The following STON2 variants were observed in gnomAD, a reference collection of about 807,000 sequenced individuals.
STON2 encodes the protein stonin 2, also known as stonin-2.
Under a neutral mutation model 65.7 loss-of-function variants are expected in STON2, and 29 were observed. That is an observed-to-expected ratio of 0.44 (90% CI 0.33 to 0.60). The LOEUF is 0.60. Among genes scored for constraint, STON2 ranks in the 20% least tolerant of loss-of-function variants. The probability of loss-of-function intolerance (pLI) is 0.03; values close to 1 mark genes in which losing one functional copy is unlikely to be tolerated. For synonymous variants in STON2, 404 were observed against 414.2 expected, an observed-to-expected ratio of 0.98 and a Z score of 0.30; for missense variants, 1,054 against 1,118.1, an observed-to-expected ratio of 0.94 and a Z score of 0.82.
At chr14:81,371,725 C>G (rs557618776) in intron 3 of STON2, among the ~76,000 whole-genome samples, 1 of 151,360 alleles carries the variant, frequency 6.6e-6, no homozygotes, top group South Asian at 2.1e-4. Flanking sequence ...CCAGGACTCT[C>G]CAATCAAAGA....
At chr14:81,405,460 G>GTTTTTTTTTTTT (rs376505307) in intron 2 of STON2, among the ~76,000 whole-genome samples, 4 of 63,328 alleles carry the variant, frequency 6.3e-5, no homozygotes, top group African/African-American at 1.5e-4. Flanking sequence ...AGTTACTATT[G>GTTTTTTTTTTTT]TTTTTTTTTT....
intron 3 of STON2, among the ~76,000 whole-genome samples, chr14:81,388,775 G>T (rs980442686): frequency 6.6e-6 from 1 of 152,146 alleles, no homozygotes; most frequent in African/African-American, 2.4e-5. Context: ...AAAGGGAATT[G>T]GGGGATGGAA....
chr14:81,431,507 G>A (rs1471234404), intron 1 of STON2, among the ~76,000 whole-genome samples: 3 of 151,984 alleles, frequency 2.0e-5, no homozygotes, highest in South Asian at 2.1e-4. Flanking sequence ...GGCCAGGCAC[G>A]GTGGCTCACG....
At position 81,270,732 on chromosome 14, in the gene STON2, A is replaced by T. The variant is rs2241621; in HGVS notation, c.2722T>A (p.Ser908Thr). Reference protein sequence around the residue: ...SASKASVRSISVEDKTDVRKW... With the variant: ...SASKASVRSITVEDKTDVRKW... ...CTGACGTCAGTCTTGTCTTCTACAGAGATAGATCTCACGCTGGCTTTGGAG... is the reference window on the plus strand; with the variant it reads ...CTGACGTCAGTCTTGTCTTCTACAGTGATAGATCTCACGCTGGCTTTGGAG... Residue 908 changes from serine (S) to threonine (T), a missense_variant, in exon 7 of 8, where the codon TCT (serine) becomes ACT (threonine). Ser to Thr is a moderately conservative substitution (Grantham distance 58). Transcript: ENST00000614646. 2 of 1,613,862 alleles carry T rather than the reference A, an allele frequency of 1.2e-6. No homozygotes were observed. The highest frequency in any genetic ancestry group is 2.2e-5 in the South Asian group (2 of 91,074).
chr14:81,332,688 C>G (rs1404720949), intron 4 of STON2, among the ~76,000 whole-genome samples: 1 of 151,910 alleles, frequency 6.6e-6, no homozygotes, highest in African/African-American at 2.4e-5. Context: ...AAGAAGCTGT[C>G]ATATGAAAAA....
chr14:81,280,359 T>C (rs923163755), intron 5 of STON2, among the ~76,000 whole-genome samples: 10 of 152,192 alleles, frequency 6.6e-5, no homozygotes, highest in African/African-American at 1.9e-4. Context: ...TGTGTGCATA[T>C]AGTAGGTACT....
rs1441261041 is a variant in STON2, at chr14:81,396,108, G to T, written c.159C>A (p.Asn53Lys). The T allele has an allele frequency of 6.8e-6, 11 of 1,614,018 alleles. No individual in the cohort carries two copies. The highest frequency in any genetic ancestry group is 9.3e-6 in the Non-Finnish European group (11 of 1,180,028). The change falls in exon 3 of 8, where the codon AAC (asparagine) becomes AAA (lysine). Residue 53 changes from asparagine (N) to lysine (K), a missense_variant. Physicochemically the swap from Asn to Lys is moderately conservative, Grantham distance 94. Coordinates refer to ENST00000614646, the MANE Select transcript of STON2 (RefSeq NM_001394390.1). ...PDQSESSSGE[N>K]HVVDGGSQDH... is the part of the protein sequence containing the mutation. ...CTTGAGAGCCTCCATCCACCACATGGTTCTCCCCGGAGGAGCTCTCGGACT... is the reference window on the plus strand; with the variant it reads ...CTTGAGAGCCTCCATCCACCACATGTTTCTCCCCGGAGGAGCTCTCGGACT...
intron 5 of STON2, among the ~76,000 whole-genome samples, chr14:81,295,891 T>C (rs1895743356): frequency 6.6e-6 from 1 of 152,214 alleles, no homozygotes. Flanking sequence ...AAAAAGCACC[T>C]AAATCCTGCT....
chr14:81,435,830 G>A (rs557294891), intron 1 of STON2, among the ~76,000 whole-genome samples: 2 of 152,320 alleles, frequency 1.3e-5, no homozygotes, highest in South Asian at 4.1e-4. Context: ...GCCTCTGGGC[G>A]CTGTCCAGCG....
chr14:81,293,169 CT>C (rs1204574867), intron 5 of STON2, among the ~76,000 whole-genome samples: 1 of 139,698 alleles, frequency 7.2e-6, no homozygotes, highest in Non-Finnish European at 1.5e-5. Context: ...TTCTTGCTGA[CT>C]TGTGTCTTTT....
At chr14:81,345,921 T>TG (rs1485372116) in intron 4 of STON2, among the ~76,000 whole-genome samples, 1 of 152,172 alleles carries the variant, frequency 6.6e-6, no homozygotes, top group East Asian at 1.9e-4. Context: ...GTACTGCCAC[T>TG]GGAAGGGCTG....
At chr14:81,426,215 G>A (rs569368694) in intron 2 of STON2, among the ~76,000 whole-genome samples, 9 of 152,290 alleles carry the variant, frequency 5.9e-5, no homozygotes, top group African/African-American at 1.2e-4. Flanking sequence ...AATGGTATCC[G>A]ACCCTAGTCT....
chr14:81,270,522 C>T, intron 7 of STON2, 148 bp downstream of exon 7: 1 of 1,554,314 alleles, frequency 6.4e-7, no homozygotes, highest in East Asian at 2.3e-5. Context: ...AGCAGACGCA[C>T]CCACAGCTAT....
intron 5 of STON2, among the ~76,000 whole-genome samples, chr14:81,289,168 G>A (rs926666919): frequency 3.3e-5 from 5 of 152,160 alleles, no homozygotes; most frequent in African/African-American, 1.2e-4. Context: ...GAAGGGCTAG[G>A]CTGTATCAGT....
chr14:81,291,655 TGTTTATTA>T (rs932119827), intron 5 of STON2, among the ~76,000 whole-genome samples: 2 of 151,596 alleles, frequency 1.3e-5, no homozygotes, highest in African/African-American at 4.8e-5. Flanking sequence ...TATGTTTGTA[TGTTTATTA>T]GTTTATTAGA....
rs1281436319 is a variant in STON2 at position 81,261,257 on chromosome 14, A to G, written c.*7157T>C. ...GCTGATCCAAAGCACATGGAGGCGC[A>G]ACAGTGCTTAAGGCTTCAGTCATGG... On this transcript the variant is annotated 3_prime_UTR_variant, in exon 8 of 8. Transcript: ENST00000614646. 6.6e-6 allele frequency: 1 copy of G among 152,222 alleles called. No individual in the cohort carries two copies. The highest frequency in any genetic ancestry group is 2.4e-5 in the African/African-American group (1 of 41,436). The allele number at this position is 152,222 out of a possible 1,614,324, so 9.4% of individuals were successfully genotyped here. A position where few individuals can be genotyped will look rare whatever the true frequency, so the allele number is the denominator to read the frequency against.
chr14:81,373,947 T>C (rs948294533), intron 3 of STON2, among the ~76,000 whole-genome samples: 1 of 151,146 alleles, frequency 6.6e-6, no homozygotes, highest in Non-Finnish European at 1.5e-5. Flanking sequence ...GTTTAAGTAC[T>C]TCCAGGTTAG....
In STON2 at chr14:81,270,875, A is replaced by G. The variant is rs1450265117; in HGVS notation, c.2582-3T>C. On this transcript the variant is annotated splice_polypyrimidine_tract_variant and splice_region_variant and intron_variant, in intron 6 of 7. Coordinates refer to ENST00000614646, the MANE Select transcript of STON2 (RefSeq NM_001394390.1). Reference sequence around the variant, plus strand: ...GAAACAGTGTGGGTGACCGGAAGCTATGAAAGAAAGACAATCGAGAGATCA... The same window carrying G: ...GAAACAGTGTGGGTGACCGGAAGCTGTGAAAGAAAGACAATCGAGAGATCA... 1.2e-6 allele frequency: 2 copies of G among 1,612,072 alleles called. No individual in the cohort carries two copies. Among genetic ancestry groups the G allele is most frequent in the East Asian group, 2.2e-5 (1 of 44,880 alleles).
Position 81,278,380 on chromosome 14 carries a change from C to T in STON2, c.1102G>A (p.Ala368Thr), listed in dbSNP as rs781015471. The change falls in exon 6 of 8, where the codon GCA (alanine) becomes ACA (threonine). Residue 368 changes from alanine (A) to threonine (T), a missense_variant. By Grantham distance (58) the Ala-to-Thr change is moderately conservative (BLOSUM62 0). Transcript: ENST00000614646. ...PSVTEASPWR[A>T]TNPFLNETLQ... is the part of the protein sequence containing the mutation. The stretch of plus-strand genomic sequence containing the variant: ...GTCTCATTCAGGAAAGGGTTGGTTG[C>T]CCTCCAAGGTGAAGCCTCAGTTACA... 42 of 1,614,048 alleles carry T rather than the reference C, an allele frequency of 2.6e-5. No individual in the cohort carries two copies. The highest frequency in any genetic ancestry group is 4.5e-5 in the East Asian group (2 of 44,894).
Sources: gnomAD v4.1 joint callset for allele counts (sites outside exome capture counted in the v4.1 genomes callset) on GRCh38, gnomAD v4.1.1 for gene constraint, MANE v1.5 for transcripts, NCBI Gene and HGNC (gene_info 2026-07-23, HGNC 2026-07-21) for gene names.